Variants in KLC2 observed in about 807,000 individuals in gnomAD.
The protein encoded by KLC2 is KLC 2.
Under a neutral mutation model 75.1 loss-of-function variants are expected in KLC2, and 35 were observed. The observed-to-expected ratio is 0.47, with a 90% CI of 0.36 to 0.62. The LOEUF (loss-of-function observed/expected upper bound fraction) is 0.62, where lower values mean the gene tolerates loss of function less well. Ranked by LOEUF, KLC2 falls within the 20% of genes least tolerant of loss-of-function variation. The pLI is 0.00. For synonymous variants in KLC2, 314 were observed against 336.7 expected, an observed-to-expected ratio of 0.93 and a Z score of 0.74; for missense variants, 611 against 833.2, an observed-to-expected ratio of 0.73 and a Z score of 3.28.
intron 4 of KLC2, chr11:66,262,459 C>G: frequency 1.8e-6 from 1 of 559,242 alleles, no homozygotes; most frequent in African/African-American, 1.9e-5. Flanking sequence ...GGAGAGTTCT[C>G]TTCCTCTCCG....
At position 66,262,950 on chromosome 11, in the gene KLC2, G is replaced by A. The variant is rs754840683; in HGVS notation, c.666G>A (p.Lys222=). The A allele has an allele frequency of 3.1e-6, 5 of 1,614,020 alleles. No homozygotes were observed. Among genetic ancestry groups the A allele is most frequent in the Non-Finnish European group, 4.2e-6 (5 of 1,179,984 alleles). The change falls in exon 5 of 16, where the codon AAG becomes AAA. Residue 222 remains lysine, a synonymous_variant. Transcript: ENST00000394067. ...ACGAGGTAGCTGTGCCACTCTGCAA[G>A]CAGGCACTCGAAGACCTGGAGAAGA... is the stretch of plus-strand genomic sequence containing the variant. ...GRYEVAVPLC[K]QALEDLEKTS...
rs953367109 is a variant in KLC2 at position 66,262,263 on chromosome 11, C to G, written c.529+71C>G. On this transcript the variant is annotated intron_variant, in intron 4 of 15. Transcript: ENST00000394067. ...ACTCTTGGTCCTTGGGACCGAGTGG[C>G]TGCCATGTTCCTTCCTGCCTCACTT... The G allele has an allele frequency of 2.8e-5, 34 of 1,218,530 alleles. No homozygotes were observed. In the African/African-American group the frequency reaches 5.0e-4, roughly 18 times the overall value. 75.5% of individuals were successfully genotyped at this position (1,218,530 alleles called of 1,614,324 possible). A position where few individuals can be genotyped will look rare whatever the true frequency, so the allele number is the denominator to read the frequency against.
chr11:66,264,678 C>T (rs1038772209), intron 9 of KLC2: 2 of 589,344 alleles, frequency 3.4e-6, no homozygotes, highest in Non-Finnish European at 6.1e-6. Flanking sequence ...TTGCATCCCC[C>T]TTCTCCACTG....
At chr11:66,266,354 C>T in intron 14 of KLC2, 79 bp from the exon 15 acceptor site, 1 of 1,486,876 alleles carries the variant, frequency 6.7e-7, no homozygotes, top group Non-Finnish European at 9.2e-7. Context: ...CTGTTCCCTC[C>T]CCAGCCCCAC....
intron 11 of KLC2, 92 bp downstream of exon 11, chr11:66,265,327 G>A: frequency 8.8e-7 from 1 of 1,133,516 alleles, no homozygotes; most frequent in Non-Finnish European, 1.3e-6. Flanking sequence ...CTCCTCTGCT[G>A]CTCATCTGGC....
chr11:66,245,640 C>T, the KLC2 span, among the ~76,000 whole-genome samples: 1 of 151,810 alleles, frequency 6.6e-6, no homozygotes, highest in African/African-American at 2.4e-5. Flanking sequence ...CACTTGAACT[C>T]AGGAGGTGGA....
At position 66,257,831 on chromosome 11, in the gene KLC2, A is replaced by T. The variant is rs1023173498; in HGVS notation, c.-52A>T. On this transcript the variant is annotated 5_prime_UTR_variant, in exon 1 of 16. Transcript: ENST00000394067. ...CGGGTGCGGGTCCGGGTGAAGCGGGAGGCAGCCAGAGTCGGAGCCGGGCCC... is the reference window on the plus strand; with the variant it reads ...CGGGTGCGGGTCCGGGTGAAGCGGGTGGCAGCCAGAGTCGGAGCCGGGCCC... 3 of 152,764 alleles carry T rather than the reference A, an allele frequency of 2.0e-5. No individual in the cohort carries two copies. Among genetic ancestry groups the T allele is most frequent in the Non-Finnish European group, 4.4e-5 (3 of 68,700 alleles). 9.5% of individuals were successfully genotyped at this position (152,764 alleles called of 1,614,324 possible).
intron 11 of KLC2, 44 bp downstream of exon 11, chr11:66,265,279 C>T (rs368505634): frequency 1.5e-5 from 23 of 1,544,570 alleles, no homozygotes; most frequent in East Asian, 6.8e-5. Context: ...CACGGCAGGG[C>T]GGGCTCCACA....
chr11:66,266,191 C>T lies in KLC2; in HGVS notation c.1701C>T (p.Gly567=). 1 of 1,609,874 alleles carries T rather than the reference C, an allele frequency of 6.2e-7. No homozygotes were observed. The highest frequency in any genetic ancestry group is 1.1e-5 in the South Asian group (1 of 90,868). The part of the protein sequence containing the change: ...SEMLVKKLQG[G]TPQEPPNPRM... ...TGCTGGTAAAGAAGCTGCAGGGGGGCACCCCCCAGGAGCCCCCTAACCCCA... is the reference window on the plus strand; with the variant it reads ...TGCTGGTAAAGAAGCTGCAGGGGGGTACCCCCCAGGAGCCCCCTAACCCCA... The change falls in exon 14 of 16, where the codon GGC becomes GGT. Residue 567 remains glycine (G), a synonymous_variant. Transcript: ENST00000394067.
rs1282479561 is a variant in KLC2, at chr11:66,267,278, A to ACTCGCCGGCCCTTCGGCACC, written c.*329_*348dup. On this transcript the variant is annotated 3_prime_UTR_variant, in exon 16 of 16. Coordinates refer to ENST00000394067, the MANE Select transcript of KLC2 (RefSeq NM_001318734.2). ...GACCCCAGAGCCAAGAACACTAAGC[A>ACTCGCCGGCCCTTCGGCACC]CTCGCCGGCCCTTCGGCACCCTCGC... The ACTCGCCGGCCCTTCGGCACC allele has an allele frequency of 5.9e-6, 7 of 1,182,432 alleles. No homozygotes were observed. The Admixed American group carries it at 1.2e-4, about 20-fold the overall frequency. The allele number at this position is 1,182,432 out of a possible 1,614,324, so 73.2% of individuals were successfully genotyped here. A position where few individuals can be genotyped will look rare whatever the true frequency, so the allele number is the denominator to read the frequency against.
chr11:66,256,085 T>A (rs565829219), upstream of KLC2, among the ~76,000 whole-genome samples: 1 of 152,088 alleles, frequency 6.6e-6, no homozygotes, highest in African/African-American at 2.4e-5. Flanking sequence ...CTTTTGAATG[T>A]TGCACAAATG....
Position 66,258,380 on chromosome 11 carries a change from T to G in KLC2, c.-11-204T>G. The G allele has an allele frequency of 5.2e-6, 3 of 580,370 alleles. 1 individual carries two copies. In the South Asian group the frequency reaches 6.1e-5, roughly 12 times the overall value. 36.0% of individuals were successfully genotyped at this position (580,370 alleles called of 1,614,324 possible). On this transcript the variant is annotated intron_variant, in intron 1 of 15. Coordinates refer to ENST00000394067, the MANE Select transcript of KLC2 (RefSeq NM_001318734.2). ...GTCTGGGGCCGAAGCAGGATCCGGC[T>G]GCACCGCATTGCGTCTCCCAGGCCT...
the KLC2 span, among the ~76,000 whole-genome samples, chr11:66,249,078 G>T: frequency 1.3e-5 from 2 of 152,142 alleles, no homozygotes; most frequent in Non-Finnish European, 2.9e-5. Flanking sequence ...TAGACTTTTT[G>T]ATCTCTATTT....
At chr11:66,254,310 G>A (rs1228852136), upstream of KLC2, among the ~76,000 whole-genome samples, 5 of 152,040 alleles carry the variant, frequency 3.3e-5, no homozygotes, top group Non-Finnish European at 7.4e-5. Flanking sequence ...CTGCAAAACA[G>A]AGACACTGAA....
chr11:66,253,793 C>G (rs899461573), upstream of KLC2, among the ~76,000 whole-genome samples: 1 of 152,224 alleles, frequency 6.6e-6, no homozygotes, highest in Non-Finnish European at 1.5e-5. Context: ...AGCCTTCCCC[C>G]ACCAGCACAC....
At chr11:66,251,343 T>G in the KLC2 span, among the ~76,000 whole-genome samples, 3 of 133,056 alleles carry the variant, frequency 2.3e-5, 1 homozygote, top group African/African-American at 7.8e-5. Context: ...AATACAAAAA[T>G]TAACCGGGCA....
At chr11:66,255,000 T>G (rs1202639843), upstream of KLC2, among the ~76,000 whole-genome samples, 3 of 152,030 alleles carry the variant, frequency 2.0e-5, no homozygotes, top group Non-Finnish European at 2.9e-5. Context: ...AGGGAAAGCC[T>G]TCTAAGAAAG....
intron 10 of KLC2, 33 bp downstream of exon 10, chr11:66,265,105 G>C: frequency 6.2e-7 from 1 of 1,609,502 alleles, no homozygotes; most frequent in Non-Finnish European, 8.5e-7. Context: ...GCGGTTGTCA[G>C]GGGAGGCTGG....
the KLC2 span, chr11:66,244,840 G>A: frequency 6.6e-6 from 1 of 152,232 alleles, no homozygotes; most frequent in African/African-American, 2.4e-5. Flanking sequence ...CACCAGGAAC[G>A]TAGGTGGAAA....
Sources: allele counts gnomAD v4.1 joint callset (sites outside exome capture counted in the v4.1 genomes callset), GRCh38; gene constraint gnomAD v4.1.1; transcripts MANE v1.5; gene names NCBI Gene and HGNC (gene_info 2026-07-23, HGNC 2026-07-21).